NRF1: variants seen among roughly 807,000 people sequenced by gnomAD.
NRF1 encodes the protein alpha palindromic-binding protein.
In NRF1, 5 loss-of-function variants were observed where a neutral mutation model predicts 58.5. The observed-to-expected ratio is 0.09, with a 90% CI of 0.04 to 0.18. The LOEUF is 0.18. Ranked by LOEUF, NRF1 falls within the 10% of genes least tolerant of loss-of-function variation. NRF1 has a pLI of 1.00. For synonymous variants in NRF1, 224 were observed against 246.7 expected, an observed-to-expected ratio of 0.91 and a Z score of 0.86; for missense variants, 288 against 657.7, an observed-to-expected ratio of 0.44 and a Z score of 6.15.
intron 1 of NRF1, among the ~76,000 whole-genome samples, chr7:129,625,974 A>C (rs894638857): frequency 6.6e-6 from 1 of 150,822 alleles, no homozygotes; most frequent in Non-Finnish European, 1.5e-5. Flanking sequence ...GAGCCACCAC[A>C]CCCAGCCCCA....
chr7:129,721,952 C>G (rs994468815), intron 9 of NRF1, among the ~76,000 whole-genome samples: 5 of 152,108 alleles, frequency 3.3e-5, no homozygotes, highest in Non-Finnish European at 5.9e-5. Context: ...CTTTTCTTTC[C>G]TACAGGTAAA....
chr7:129,616,139 G>A (rs117240588), intron 1 of NRF1, among the ~76,000 whole-genome samples: 1,524 of 152,310 alleles, frequency 0.01, 13 homozygotes, highest in Middle Eastern at 0.02. Flanking sequence ...TTAATGCAGT[G>A]TAGTTAGCAA....
Position 129,710,544 on chromosome 7 carries a change from C to T in NRF1, c.936C>T (p.Asn312=). ...AGACTGTAGTCCAGACTTTTAGTAA[C>T]CCTGATGGCACTGTCTCACTTATCC... The part of the protein sequence containing the change: ...PSQTVVQTFS[N]PDGTVSLIQV... Residue 312 remains asparagine, a synonymous_variant, in exon 7 of 11, where the codon AAC becomes AAT. Transcript: ENST00000393232. 6.4e-7 allele frequency: 1 copy of T among 1,573,856 alleles called. No homozygotes were observed. Among genetic ancestry groups the T allele is most frequent in the Non-Finnish European group, 8.7e-7 (1 of 1,143,176 alleles).
At chr7:129,658,612 AG>A (rs1455196690) in intron 2 of NRF1, among the ~76,000 whole-genome samples, 1 of 150,446 alleles carries the variant, frequency 6.6e-6, no homozygotes, top group Non-Finnish European at 1.5e-5. Flanking sequence ...AAAAAAAAAA[AG>A]GAAAAGCAAA....
chr7:129,740,848 A>T (rs1803829535), intron 10 of NRF1, among the ~76,000 whole-genome samples: 1 of 152,126 alleles, frequency 6.6e-6, no homozygotes, highest in Non-Finnish European at 1.5e-5. Flanking sequence ...CTGCTATTTG[A>T]AGGCTTAAAG....
chr7:129,716,846 G>A (rs1395484729), intron 8 of NRF1, among the ~76,000 whole-genome samples: 1 of 148,288 alleles, frequency 6.7e-6, no homozygotes, highest in Non-Finnish European at 1.5e-5. Context: ...CTCCGGCTTG[G>A]GCGACAGAGG....
chr7:129,670,943 T>C (rs929579560), intron 2 of NRF1, among the ~76,000 whole-genome samples: 6 of 152,238 alleles, frequency 3.9e-5, no homozygotes, highest in African/African-American at 1.4e-4. Context: ...TTAGGTGTTG[T>C]TGGAGTTCCA....
chr7:129,705,312 A>G (rs1421012007), intron 5 of NRF1, among the ~76,000 whole-genome samples: 1 of 151,890 alleles, frequency 6.6e-6, no homozygotes, highest in Non-Finnish European at 1.5e-5. Flanking sequence ...TGTTTTTGAG[A>G]TGGAGTCTTG....
intron 1 of NRF1, among the ~76,000 whole-genome samples, chr7:129,624,401 T>G (rs1800870735): frequency 6.6e-6 from 1 of 152,216 alleles, no homozygotes; most frequent in Non-Finnish European, 1.5e-5. Context: ...AGTATTTATT[T>G]GAATGATTGT....
chr7:129,670,456 T>C (rs1021325804), intron 2 of NRF1, among the ~76,000 whole-genome samples: 15 of 152,218 alleles, frequency 9.9e-5, no homozygotes, highest in African/African-American at 3.1e-4. Context: ...TGAGGTTCTT[T>C]AGAGGGGTTT....
At chr7:129,671,660 G>T in intron 3 of NRF1, 117 bp downstream of exon 3, 1 of 609,980 alleles carries the variant, frequency 1.6e-6, no homozygotes, top group Non-Finnish European at 3.0e-6. Context: ...CTTGATGACA[G>T]ATGTAGACTT....
chr7:129,665,611 TTTG>T (rs576727046), intron 2 of NRF1, among the ~76,000 whole-genome samples: 36 of 152,024 alleles, frequency 2.4e-4, no homozygotes, highest in East Asian at 5.8e-4. Flanking sequence ...CAGTATGTTG[TTTG>T]TTGTTGTTGT....
In NRF1 at chr7:129,677,643, C is replaced by T; in HGVS notation, c.350C>T (p.Ala117Val). 6.2e-7 allele frequency: 1 copy of T among 1,613,492 alleles called. No homozygotes were observed. The highest frequency in any genetic ancestry group is 1.1e-5 in the South Asian group (1 of 90,868). The change falls in exon 4 of 11, where the codon GCC (alanine) becomes GTC (valine). Residue 117 changes from alanine (A) to valine (V), a missense_variant. Coordinates refer to ENST00000393232, the MANE Select transcript of NRF1 (RefSeq NM_005011.5). ...QQTRLLRKLR[A>V]TLDEYTTRVG... ...CTTTTCTGATTCAGGAAACTTCGAG[C>T]CACGTTAGATGAATATACTACTCGT... is the stretch of plus-strand genomic sequence containing the variant.
intron 10 of NRF1, among the ~76,000 whole-genome samples, chr7:129,738,118 G>A (rs1042082580): frequency 5.3e-5 from 8 of 152,226 alleles, no homozygotes; most frequent in Non-Finnish European, 1.0e-4. Flanking sequence ...CTCAGACTGC[G>A]CTGAGGCATC....
chr7:129,702,469 T>G (rs1210718433), intron 5 of NRF1, among the ~76,000 whole-genome samples: 1 of 152,200 alleles, frequency 6.6e-6, no homozygotes, highest in African/African-American at 2.4e-5. Flanking sequence ...GCCAGTGTTT[T>G]GCTTGGCACT....
intron 1 of NRF1, among the ~76,000 whole-genome samples, chr7:129,618,945 C>T (rs549319798): frequency 2.0e-5 from 3 of 152,154 alleles, no homozygotes; most frequent in Admixed American, 2.0e-4. Flanking sequence ...ATTCTGACTG[C>T]AACATGTCAC....
chr7:129,708,568 C>T (rs1050253828), intron 5 of NRF1, among the ~76,000 whole-genome samples: 9 of 152,116 alleles, frequency 5.9e-5, no homozygotes, highest in African/African-American at 1.7e-4. Flanking sequence ...ATTGAATTCT[C>T]ATTATTGTTT....
At position 129,755,255 on chromosome 7, in the gene NRF1, A is replaced by G. The variant is rs997274572; in HGVS notation, c.*74A>G. The G allele has an allele frequency of 1.0e-5, 13 of 1,301,988 alleles. No individual in the cohort carries two copies. The African/African-American group carries it at 1.4e-4, about 14-fold the overall frequency. The allele number at this position is 1,301,988 out of a possible 1,614,324, so 80.7% of individuals were successfully genotyped here. On this transcript the variant is annotated 3_prime_UTR_variant, in exon 11 of 11. Coordinates refer to ENST00000393232, the MANE Select transcript of NRF1 (RefSeq NM_005011.5). The surrounding 1 kb of genome is among the most constrained non-coding windows in gnomAD (Gnocchi z 5.8). Reference sequence around the variant, plus strand: ...TACACGTTTGCAGAGGTGCAATCAAATGGAATTAAGTCTCTCGACTTTGGA... The same window carrying G: ...TACACGTTTGCAGAGGTGCAATCAAGTGGAATTAAGTCTCTCGACTTTGGA...
intron 8 of NRF1, among the ~76,000 whole-genome samples, chr7:129,714,801 T>C (rs1454331320): frequency 1.3e-5 from 2 of 152,286 alleles, no homozygotes; most frequent in East Asian, 1.9e-4. Flanking sequence ...AGTATGGTAA[T>C]ATAACTAAAG....
Sources: gnomAD v4.1 joint callset for allele counts (sites outside exome capture counted in the v4.1 genomes callset) on GRCh38, gnomAD v4.1.1 for gene constraint, Gnocchi (gnomAD v3.1) non-coding constraint, MANE v1.5 for transcripts, NCBI Gene and HGNC (gene_info 2026-07-23, HGNC 2026-07-21) for gene names.